SUN5: variants seen among roughly 807,000 people sequenced by gnomAD.
SUN5 encodes SUN domain-containing protein 5.
In SUN5, 44 loss-of-function variants were observed where a neutral mutation model predicts 53.7. That is an observed-to-expected ratio of 0.82 (90% CI 0.64 to 1.05). SUN5 has a LOEUF of 1.05. Ranked by LOEUF, SUN5 falls within the 50% of genes least tolerant of loss-of-function variation. The probability of loss-of-function intolerance (pLI) is 0.00; values close to 1 mark genes in which losing one functional copy is unlikely to be tolerated. For synonymous variants in SUN5, 166 were observed against 179.8 expected, an observed-to-expected ratio of 0.92 and a Z score of 0.62; for missense variants, 433 against 483.8, an observed-to-expected ratio of 0.90 and a Z score of 0.98.
chr20:32,994,219 G>A (rs982533865), intron 8 of SUN5, among the ~76,000 whole-genome samples: 7 of 152,166 alleles, frequency 4.6e-5, no homozygotes, highest in Non-Finnish European at 1.0e-4. Context: ...CTAGCTTAGT[G>A]CATGTCTAGA....
At chr20:32,984,375 C>T (rs1378541769) in intron 12 of SUN5, among the ~76,000 whole-genome samples, 1 of 152,224 alleles carries the variant, frequency 6.6e-6, no homozygotes, top group Non-Finnish European at 1.5e-5. Context: ...ACTCCCGGCA[C>T]ATAGTAAGTT....
At chr20:33,002,747 C>G (rs967904507) in intron 2 of SUN5, 86 bp from the exon 3 acceptor site, 32 of 1,596,814 alleles carry the variant, frequency 2.0e-5, no homozygotes, top group African/African-American at 2.7e-5. Flanking sequence ...GAGCTTGGTG[C>G]GAACATCCCT....
chr20:33,000,808 G>A (rs6059006), intron 4 of SUN5, among the ~76,000 whole-genome samples: 5,201 of 149,902 alleles, frequency 0.035, 314 homozygotes, highest in African/African-American at 0.12. Context: ...TGGCACCACC[G>A]CACTCCAGCC....
intron 1 of SUN5, among the ~76,000 whole-genome samples, chr20:33,003,546 G>A (rs1990110800): frequency 6.6e-6 from 1 of 152,026 alleles, no homozygotes; most frequent in African/African-American, 2.4e-5. Flanking sequence ...GGAGCCCCCT[G>A]CACCTTGGGA....
Position 32,985,330 on chromosome 20 carries a change from T to G in SUN5, c.898-145A>C. The G allele has an allele frequency of 7.2e-6, 5 of 697,300 alleles. No individual in the cohort carries two copies. The South Asian group carries it at 9.3e-5, about 13-fold the overall frequency. 43.2% of individuals were successfully genotyped at this position (697,300 alleles called of 1,614,324 possible). On this transcript the variant is annotated intron_variant, in intron 11 of 12. Coordinates refer to ENST00000356173, the MANE Select transcript of SUN5 (RefSeq NM_080675.4). ...ACCGTTTCACTGTGGCACAGTGTAATGAATAGGAAAGAGCACTGGCCTGGG... is the reference window on the plus strand; with the variant it reads ...ACCGTTTCACTGTGGCACAGTGTAAGGAATAGGAAAGAGCACTGGCCTGGG...
At position 32,985,881 on chromosome 20, in the gene SUN5, C is replaced by G. The variant is rs762460579; in HGVS notation, c.752G>C (p.Cys251Ser). Residue 251 changes from cysteine (C) to serine (S), a missense_variant, in exon 11 of 13, where the codon TGC becomes TCC. Cys to Ser is a moderately radical substitution (Grantham distance 112). Coordinates refer to ENST00000356173, the MANE Select transcript of SUN5 (RefSeq NM_080675.4). ...GCCGCGGTCACCCTCAAAGGCCCAGCAATTGCCAGGTGTCACGTTGGGCTA... is the reference window on the plus strand; with the variant it reads ...GCCGCGGTCACCCTCAAAGGCCCAGGAATTGCCAGGTGTCACGTTGGGCTA... ...ILEPNVTPGNCWAFEGDRGQV... is the reference protein window; with the variant it reads ...ILEPNVTPGNSWAFEGDRGQV... The G allele has an allele frequency of 4.3e-6, 7 of 1,613,818 alleles. No individual in the cohort carries two copies. Among genetic ancestry groups the G allele is most frequent in the Non-Finnish European group, 5.1e-6 (6 of 1,179,892 alleles).
At chr20:32,999,794 T>G in intron 5 of SUN5, 2 of 911,456 alleles carry the variant, frequency 2.2e-6, no homozygotes, top group African/African-American at 1.7e-5. Context: ...TTGTGCGAGG[T>G]GGGGGTGGTG....
chr20:33,000,001 C>T, intron 5 of SUN5, 73 bp downstream of exon 5: 1 of 1,570,042 alleles, frequency 6.4e-7, no homozygotes, highest in Admixed American at 1.9e-5. Context: ...CAGTGTCTTG[C>T]CCAGTGTCCT....
intron 6 of SUN5, among the ~76,000 whole-genome samples, chr20:32,996,951 TAA>T (rs1476135456): frequency 1.3e-5 from 2 of 152,178 alleles, no homozygotes; most frequent in African/African-American, 4.8e-5. Flanking sequence ...GGCACCAAAC[TAA>T]ACATTGCTGG....
At chr20:32,991,513 C>G (rs1989710557) in intron 8 of SUN5, among the ~76,000 whole-genome samples, 1 of 152,190 alleles carries the variant, frequency 6.6e-6, no homozygotes, top group African/African-American at 2.4e-5. Flanking sequence ...CAGCCTGACT[C>G]TAGAGCCAGT....
intron 7 of SUN5, among the ~76,000 whole-genome samples, chr20:32,996,053 G>A (rs1292341226): frequency 6.6e-6 from 1 of 152,178 alleles, no homozygotes; most frequent in African/African-American, 2.4e-5. Flanking sequence ...CTATGGGTCA[G>A]GAGCTATTCA....
intron 5 of SUN5, among the ~76,000 whole-genome samples, chr20:32,998,437 C>T (rs1335324695): frequency 1.3e-5 from 2 of 152,120 alleles, no homozygotes; most frequent in Non-Finnish European, 2.9e-5. Context: ...TGCTGCATTC[C>T]AGCCTGGGTG....
chr20:32,985,842 T>G lies in SUN5; in HGVS notation c.791A>C (p.Gln264Pro), dbSNP rs1430200515. 1.2e-6 allele frequency: 2 copies of G among 1,614,094 alleles called. No homozygotes were observed. The highest frequency in any genetic ancestry group is 1.7e-5 in the Admixed American group (1 of 60,008). ...FEGDRGQVTI[Q>P]LAQKVYLSNL... Reference sequence around the variant, plus strand: ...GGACAGGTAAACCTTCTGAGCCAATTGGATGGTCACCTGGCCGCGGTCACC... The same window carrying G: ...GGACAGGTAAACCTTCTGAGCCAATGGGATGGTCACCTGGCCGCGGTCACC... Residue 264 changes from glutamine (Q) to proline (P), a missense_variant, in exon 11 of 13, where the codon CAA becomes CCA. By Grantham distance (76) the Gln-to-Pro change is moderately conservative (BLOSUM62 -1). Transcript: ENST00000356173.
intron 4 of SUN5, among the ~76,000 whole-genome samples, chr20:33,000,705 C>T (rs904481781): frequency 6.6e-5 from 10 of 152,050 alleles, no homozygotes; most frequent in Non-Finnish European, 1.2e-4. Flanking sequence ...ATTAGCCAGA[C>T]GTGGTGGTGT....
intron 8 of SUN5, among the ~76,000 whole-genome samples, chr20:32,991,244 C>T (rs904940490): frequency 3.3e-5 from 5 of 152,216 alleles, no homozygotes; most frequent in African/African-American, 1.2e-4. Context: ...ATCCCCGATC[C>T]TGGATCCCCA....
At position 32,987,649 on chromosome 20, in the gene SUN5, A is replaced by T; in HGVS notation, c.729+11T>A. ...CCCTGCCGCTGTCCCATCTCCCGCCATCCCCCCTGCCTCAAGGATCACGTC... is the reference window on the plus strand; with the variant it reads ...CCCTGCCGCTGTCCCATCTCCCGCCTTCCCCCCTGCCTCAAGGATCACGTC... On this transcript the variant is annotated intron_variant, in intron 10 of 12. Transcript: ENST00000356173. 6.5e-7 allele frequency: 1 copy of T among 1,527,196 alleles called. No individual in the cohort carries two copies. The highest frequency in any genetic ancestry group is 8.8e-7 in the Non-Finnish European group (1 of 1,132,502). The allele number at this position is 1,527,196 out of a possible 1,614,324, so 94.6% of individuals were successfully genotyped here.
chr20:33,002,764 G>A, intron 2 of SUN5, 97 bp downstream of exon 2: 3 of 1,594,798 alleles, frequency 1.9e-6, no homozygotes, highest in African/African-American at 1.3e-5. Context: ...CCCTGCCCCT[G>A]CCCCTTGCTG....
chr20:33,001,910 C>T (rs1990059919), intron 3 of SUN5, among the ~76,000 whole-genome samples: 1 of 152,094 alleles, frequency 6.6e-6, no homozygotes, highest in African/African-American at 2.4e-5. Flanking sequence ...CCTTGGCCTC[C>T]CAAAGTGCTG....
rs142172157 is a variant in SUN5, at chr20:32,985,184, C to G, written c.899G>C (p.Gly300Ala). 1 of 1,613,844 alleles carries G rather than the reference C, an allele frequency of 6.2e-7. No individual in the cohort carries two copies. The highest frequency in any genetic ancestry group is 8.5e-7 in the Non-Finnish European group (1 of 1,179,894). ...CTCCTCCTTGGGGGAGCCCTCCATGCCCTGTGGAACCAGAACCAAGGTGAA... is the reference window on the plus strand; with the variant it reads ...CTCCTCCTTGGGGGAGCCCTCCATGGCCTGTGGAACCAGAACCAAGGTGAA... ...DTAPKDFVIY[G>A]MEGSPKEEVF... The change falls in exon 12 of 13, where the codon GGC (glycine) becomes GCC (alanine). Residue 300 changes from glycine to alanine, a missense_variant and splice_region_variant. Coordinates refer to ENST00000356173, the MANE Select transcript of SUN5 (RefSeq NM_080675.4).
Sources: allele counts gnomAD v4.1 joint callset (sites outside exome capture counted in the v4.1 genomes callset), GRCh38; gene constraint gnomAD v4.1.1; transcripts MANE v1.5; gene names NCBI Gene and HGNC (gene_info 2026-07-23, HGNC 2026-07-21).